Variants in SORT1 observed in about 807,000 individuals in gnomAD.
The protein encoded by SORT1 is sortilin.
In SORT1, 39 loss-of-function variants were observed where a neutral mutation model predicts 101.7. The observed-to-expected ratio is 0.38, with a 90% CI of 0.30 to 0.50. The LOEUF is 0.50. Ranked by LOEUF, SORT1 falls within the 20% of genes least tolerant of loss-of-function variation. The pLI, the probability that SORT1 is intolerant of heterozygous loss-of-function variation, is 0.90. For missense variants in SORT1, 878 were observed against 1,040.4 expected, an observed-to-expected ratio of 0.84 and a Z score of 2.15; for synonymous variants, 396 against 393.7, an observed-to-expected ratio of 1.01 and a Z score of -0.07.
In SORT1 at chr1:109,312,500, T is replaced by G. The variant is rs915802505; in HGVS notation, c.*1543A>C. On this transcript the variant is annotated 3_prime_UTR_variant, in exon 20 of 20. Coordinates refer to ENST00000256637, the MANE Select transcript of SORT1 (RefSeq NM_002959.7). The stretch of plus-strand genomic sequence containing the variant: ...TGCTCACATTCTGACTAAAGTTAAT[T>G]TGGCACTTCAAATAAAAAAAAAAAA... 1.3e-4 allele frequency: 14 copies of G among 108,950 alleles called. No homozygotes were observed. The highest frequency in any genetic ancestry group is 4.2e-4 in the African/African-American group (13 of 31,272). The allele number at this position is 108,950 out of a possible 1,614,324, so 6.7% of individuals were successfully genotyped here. A position where few individuals can be genotyped will look rare whatever the true frequency, so the allele number is the denominator to read the frequency against.
At chr1:109,364,869 G>A (rs1340532574) in intron 3 of SORT1, among the ~76,000 whole-genome samples, 2 of 152,294 alleles carry the variant, frequency 1.3e-5, no homozygotes, top group Non-Finnish European at 2.9e-5. Context: ...ACCTCACAAC[G>A]GCTCTGAGGT....
In SORT1 at chr1:109,314,273, A is replaced by G; in HGVS notation, c.2469T>C (p.Asp823=). 10 of 1,613,782 alleles carry G rather than the reference A, an allele frequency of 6.2e-6. No homozygotes were observed. The highest frequency in any genetic ancestry group is 1.7e-5 in the Admixed American group (1 of 59,986). ...GAAATAGCCTCACCTCATCTGAGTC[A>G]TCATGATAACCACTTTTATTAGTGT... ...ASHTNKSGYH[D]DSDEDLLE The change falls in exon 19 of 20, where the codon GAT becomes GAC. Residue 823 remains aspartate (D), a synonymous_variant. Transcript: ENST00000256637.
intron 8 of SORT1, among the ~76,000 whole-genome samples, chr1:109,343,688 T>G (rs11102973): frequency 0.7 from 106,226 of 151,998 alleles, 37,664 homozygotes; most frequent in East Asian, 0.96. Flanking sequence ...TCACTCTGTT[T>G]CCCAGGCTGG....
chr1:109,316,846 A>G lies in SORT1; in HGVS notation c.2250+4T>C. 2 of 1,571,656 alleles carry G rather than the reference A, an allele frequency of 1.3e-6. No individual in the cohort carries two copies. The highest frequency in any genetic ancestry group is 1.7e-6 in the Non-Finnish European group (2 of 1,146,304). ...ACCTGAAAACTAGACCTATTTTAAC[A>G]TACCTGTTTTTCCGGACTCAAAAAG... is the stretch of plus-strand genomic sequence containing the variant. On this transcript the variant is annotated splice_donor_region_variant and intron_variant, in intron 17 of 19. Coordinates refer to ENST00000256637, the MANE Select transcript of SORT1 (RefSeq NM_002959.7).
At chr1:109,372,575 T>C (rs1041255285) in intron 1 of SORT1, among the ~76,000 whole-genome samples, 1 of 151,996 alleles carries the variant, frequency 6.6e-6, no homozygotes, top group Non-Finnish European at 1.5e-5. Context: ...GGGATCACAT[T>C]TACCTTTCTA....
chr1:109,356,570 T>C (rs1650339473), intron 3 of SORT1, among the ~76,000 whole-genome samples: 1 of 152,216 alleles, frequency 6.6e-6, no homozygotes, highest in Non-Finnish European at 1.5e-5. Flanking sequence ...CTAACTAATC[T>C]ATTAATCCAC....
chr1:109,311,589 A>G lies in SORT1; in HGVS notation c.*2454T>C, dbSNP rs947167646. 3 of 152,264 alleles carry G rather than the reference A, an allele frequency of 2.0e-5. No individual in the cohort carries two copies. Among genetic ancestry groups the G allele is most frequent in the Admixed American group, 2.0e-4 (3 of 15,282 alleles). 9.4% of individuals were successfully genotyped at this position (152,264 alleles called of 1,614,324 possible). A position where few individuals can be genotyped will look rare whatever the true frequency, so the allele number is the denominator to read the frequency against. ...ACCAGGATGGGGAGGGAGACCCATCAGTGGAGAGTCCACTCCTGCACTCTT... is the reference window on the plus strand; with the variant it reads ...ACCAGGATGGGGAGGGAGACCCATCGGTGGAGAGTCCACTCCTGCACTCTT... On this transcript the variant is annotated 3_prime_UTR_variant, in exon 20 of 20. Transcript: ENST00000256637.
At chr1:109,343,250 T>C (rs1010779501) in intron 8 of SORT1, among the ~76,000 whole-genome samples, 4 of 152,232 alleles carry the variant, frequency 2.6e-5, no homozygotes, top group Non-Finnish European at 5.9e-5. Context: ...ATTTACTGCC[T>C]ACTTCTTCAT....
intron 1 of SORT1, among the ~76,000 whole-genome samples, chr1:109,381,118 G>A (rs182108499): frequency 3.9e-5 from 6 of 152,252 alleles, no homozygotes; most frequent in Admixed American, 3.9e-4. Context: ...AATAAAAACT[G>A]AGAACGTCCG....
rs147643589 is a variant in SORT1 at position 109,316,397 on chromosome 1, T to C, written c.2250+453A>G. 1.8e-3 allele frequency among the ~76,000 whole-genome samples: 269 copies of C among 151,822 alleles called. 2 individuals are homozygous for C. In the East Asian group the frequency reaches 0.046, roughly 26 times the overall value. ...CACACCCAGCTAATTTTTGTAATTTTAATTTTTGTATTTTTAGCAGAGACA... is the reference window on the plus strand; with the variant it reads ...CACACCCAGCTAATTTTTGTAATTTCAATTTTTGTATTTTTAGCAGAGACA... On this transcript the variant is annotated intron_variant, in intron 17 of 19. Transcript: ENST00000256637.
At chr1:109,356,615 C>G (rs950835055) in intron 3 of SORT1, among the ~76,000 whole-genome samples, 1 of 152,190 alleles carries the variant, frequency 6.6e-6, no homozygotes, top group African/African-American at 2.4e-5. Context: ...GAAGCTGTAG[C>G]AAGTTCTTGA....
chr1:109,395,628 C>T (rs183506848), intron 1 of SORT1, among the ~76,000 whole-genome samples: 1 of 152,274 alleles, frequency 6.6e-6, no homozygotes, highest in East Asian at 1.9e-4. Flanking sequence ...AATTTCTTTA[C>T]ATGTGGACTT....
At chr1:109,362,424 A>G (rs1161414841) in intron 3 of SORT1, among the ~76,000 whole-genome samples, 1 of 152,250 alleles carries the variant, frequency 6.6e-6, no homozygotes, top group African/African-American at 2.4e-5. Context: ...ATTAAAATGT[A>G]TCAAAATAAT....
intron 16 of SORT1, 100 bp downstream of exon 16, chr1:109,317,753 G>T: frequency 2.5e-6 from 2 of 810,322 alleles, no homozygotes; most frequent in Non-Finnish European, 4.1e-6. Flanking sequence ...CAAAAATAGT[G>T]CTCTAAAGTA....
intron 1 of SORT1, among the ~76,000 whole-genome samples, chr1:109,375,966 T>C (rs1182360576): frequency 6.6e-6 from 1 of 152,094 alleles, no homozygotes; most frequent in African/African-American, 2.4e-5. Context: ...CAGATACTGG[T>C]GAGGCTGTGG....
Position 109,310,053 on chromosome 1 carries a change from C to T in SORT1, c.*3990G>A, listed in dbSNP as rs1467163435. 6.6e-6 allele frequency: 1 copy of T among 152,616 alleles called. No homozygotes were observed. The highest frequency in any genetic ancestry group is 2.4e-5 in the African/African-American group (1 of 41,422). 9.5% of individuals were successfully genotyped at this position (152,616 alleles called of 1,614,324 possible). On this transcript the variant is annotated 3_prime_UTR_variant, in exon 20 of 20. Coordinates refer to ENST00000256637, the MANE Select transcript of SORT1 (RefSeq NM_002959.7). ...GGAGGTGGGCCAAATCATCAGGGAA[C>T]AGTCAGTCACCCGCTTGTGGCTGAG... is the stretch of plus-strand genomic sequence containing the variant.
intron 14 of SORT1, among the ~76,000 whole-genome samples, chr1:109,323,624 C>A (rs1305129080): frequency 6.6e-6 from 1 of 152,230 alleles, no homozygotes; most frequent in Non-Finnish European, 1.5e-5. Flanking sequence ...AGACTTCTAG[C>A]TCAGTTGACC....
intron 18 of SORT1, 143 bp from the exon 19 acceptor site, chr1:109,314,527 G>A: frequency 8.4e-7 from 1 of 1,189,636 alleles, no homozygotes; most frequent in Non-Finnish European, 1.2e-6. Flanking sequence ...TATGAAAAAT[G>A]TACGACATGA....
At chr1:109,335,075 G>C (rs1648720132) in intron 11 of SORT1, among the ~76,000 whole-genome samples, 2 of 152,138 alleles carry the variant, frequency 1.3e-5, no homozygotes, top group Non-Finnish European at 2.9e-5. Flanking sequence ...GGTTGGGGGA[G>C]ACAGGCCCAA....
Sources: gnomAD v4.1 joint callset for allele counts (sites outside exome capture counted in the v4.1 genomes callset) on GRCh38, gnomAD v4.1.1 for gene constraint, MANE v1.5 for transcripts, NCBI Gene and HGNC (gene_info 2026-07-23, HGNC 2026-07-21) for gene names.